Variants in PIP5K1B observed in about 807,000 individuals in gnomAD.
PIP5K1B encodes the protein phosphatidylinositol-4-phosphate 5-kinase type 1 beta.
PIP5K1B carries 42 observed loss-of-function variants against 67.0 expected under a neutral mutation model. The ratio of observed to expected loss-of-function variants is 0.63; its 90% CI spans 0.49 to 0.81. The LOEUF is 0.81. Ranked by LOEUF, PIP5K1B falls within the 30% of genes least tolerant of loss-of-function variation. The probability of loss-of-function intolerance (pLI) is 0.00; values close to 1 mark genes in which losing one functional copy is unlikely to be tolerated. For synonymous variants in PIP5K1B, 214 were observed against 231.4 expected, an observed-to-expected ratio of 0.92 and a Z score of 0.68; for missense variants, 459 against 646.3, an observed-to-expected ratio of 0.71 and a Z score of 3.14.
chr9:68,809,186 A>G (rs1490483884), intron 2 of PIP5K1B, among the ~76,000 whole-genome samples: 1 of 152,202 alleles, frequency 6.6e-6, no homozygotes, highest in Non-Finnish European at 1.5e-5. Context: ...TTTGGAAACT[A>G]TGTTAAGGAT....
At position 68,894,667 on chromosome 9, in the gene PIP5K1B, T is replaced by C. The variant is rs779431147; in HGVS notation, c.771+29T>C. The C allele has an allele frequency of 2.5e-5, 40 of 1,600,626 alleles. No homozygotes were observed. In the Admixed American group the frequency reaches 3.4e-4, roughly 13 times the overall value. On this transcript the variant is annotated intron_variant, in intron 8 of 15. Transcript: ENST00000265382. ...AGGAAGTTTGATTGTTGTGATTTCC[T>C]TTGAACTCTGTGCTCATGTAAACTG...
At chr9:68,892,540 A>AT (rs1564210607) in intron 7 of PIP5K1B, among the ~76,000 whole-genome samples, 1 of 152,244 alleles carries the variant, frequency 6.6e-6, no homozygotes, top group African/African-American at 2.4e-5. Context: ...AGACTGTTCA[A>AT]TAAGTATCCA....
chr9:68,987,760 C>T (rs753393694), intron 14 of PIP5K1B, among the ~76,000 whole-genome samples: 2 of 151,846 alleles, frequency 1.3e-5, no homozygotes, highest in Non-Finnish European at 2.9e-5. Context: ...ATGGCAGTGG[C>T]GAGGGAGAAT....
chr9:68,811,439 C>T (rs575680451), intron 2 of PIP5K1B, among the ~76,000 whole-genome samples: 2 of 152,132 alleles, frequency 1.3e-5, no homozygotes, highest in Admixed American at 6.5e-5. Context: ...CAGGGATTGG[C>T]GGGTAGAAGG....
chr9:68,954,632 A>C (rs1365449722), intron 14 of PIP5K1B, among the ~76,000 whole-genome samples: 2 of 152,216 alleles, frequency 1.3e-5, no homozygotes, highest in East Asian at 3.8e-4. Flanking sequence ...GTATCTCATC[A>C]TGAGACAGTA....
chr9:68,793,008 TAGA>T (rs1333131666), intron 2 of PIP5K1B, among the ~76,000 whole-genome samples: 1 of 123,100 alleles, frequency 8.1e-6, no homozygotes, highest in African/African-American at 2.7e-5. Context: ...TCTAACAGGG[TAGA>T]AGGAGGGGCA....
intron 14 of PIP5K1B, among the ~76,000 whole-genome samples, chr9:68,972,289 A>C (rs1829409769): frequency 2.0e-5 from 3 of 152,152 alleles, no homozygotes; most frequent in Non-Finnish European, 2.9e-5. Flanking sequence ...CAAAGATCAG[A>C]TGGTTGTAGA....
chr9:68,842,442 A>C (rs1253700823), intron 4 of PIP5K1B, among the ~76,000 whole-genome samples: 2 of 152,236 alleles, frequency 1.3e-5, no homozygotes, highest in Non-Finnish European at 2.9e-5. Context: ...ATGTGAGTTA[A>C]AACTGTGGAG....
Position 69,008,503 on chromosome 9 carries a change from A to G in PIP5K1B, c.*54A>G. The G allele has an allele frequency of 1.3e-6, 2 of 1,584,102 alleles. No individual in the cohort carries two copies. Among genetic ancestry groups the G allele is most frequent in the Non-Finnish European group, 1.7e-6 (2 of 1,152,592 alleles). On this transcript the variant is annotated 3_prime_UTR_variant, in exon 16 of 16. Transcript: ENST00000265382. Reference sequence around the variant, plus strand: ...GATGAGACGTGAGCACAGTTATGGCAGAGAAGTTTCTCCGCACCAGAATTA... The same window carrying G: ...GATGAGACGTGAGCACAGTTATGGCGGAGAAGTTTCTCCGCACCAGAATTA...
chr9:68,850,726 T>C (rs557529721), intron 4 of PIP5K1B, among the ~76,000 whole-genome samples: 18 of 152,354 alleles, frequency 1.2e-4, no homozygotes, highest in African/African-American at 4.1e-4. Context: ...TTTGGTTGAT[T>C]CTAGGATGAA....
chr9:68,822,169 A>G (rs935981888), intron 3 of PIP5K1B, among the ~76,000 whole-genome samples: 7 of 152,292 alleles, frequency 4.6e-5, no homozygotes, highest in African/African-American at 1.4e-4. Flanking sequence ...TTAAAAGGCT[A>G]TGTAGCCTGG....
intron 15 of PIP5K1B, among the ~76,000 whole-genome samples, chr9:68,993,163 A>G (rs938156273): frequency 5.4e-5 from 3 of 55,546 alleles, no homozygotes; most frequent in Non-Finnish European, 1.1e-4. Flanking sequence ...CTCCGTCTCC[A>G]AAAAAAAAAA....
At chr9:68,727,804 C>G (rs1828228308) in intron 1 of PIP5K1B, 1 of 152,190 alleles carries the variant, frequency 6.6e-6, no homozygotes, top group Non-Finnish European at 1.5e-5. Context: ...CAGTGTGTCT[C>G]ATGGAAGGAA....
At chr9:68,721,330 G>A (rs1463311817) in intron 1 of PIP5K1B, among the ~76,000 whole-genome samples, 2 of 152,178 alleles carry the variant, frequency 1.3e-5, no homozygotes, top group East Asian at 3.8e-4. Flanking sequence ...AAGTAATGTA[G>A]TGTGGATAGG....
chr9:68,862,574 A>G (rs1473164801), intron 4 of PIP5K1B, among the ~76,000 whole-genome samples: 1 of 152,074 alleles, frequency 6.6e-6, no homozygotes, highest in East Asian at 1.9e-4. Context: ...GGCAGATCAC[A>G]TGAGGCCAAG....
intron 4 of PIP5K1B, among the ~76,000 whole-genome samples, chr9:68,825,210 A>G (rs929393299): frequency 1.3e-5 from 2 of 152,216 alleles, no homozygotes; most frequent in African/African-American, 2.4e-5. Flanking sequence ...AGTATGTTCA[A>G]ATTTAATGAG....
At chr9:68,964,327 G>C (rs959940518) in intron 14 of PIP5K1B, among the ~76,000 whole-genome samples, 3 of 152,210 alleles carry the variant, frequency 2.0e-5, no homozygotes, top group Non-Finnish European at 2.9e-5. Context: ...GCCATTAAGA[G>C]AAGTAAAGGC....
intron 11 of PIP5K1B, among the ~76,000 whole-genome samples, chr9:68,920,359 CTTTTTTTTTTTTT>C (rs5898051): frequency 1.0e-4 from 10 of 98,370 alleles, no homozygotes; most frequent in Admixed American, 1.2e-4. Flanking sequence ...CTGAGGTTGT[CTTTTTTTTTTTTT>C]TTTTTTTTTT....
chr9:68,968,193 T>A (rs1425887523), intron 14 of PIP5K1B, among the ~76,000 whole-genome samples: 1 of 152,210 alleles, frequency 6.6e-6, no homozygotes, highest in African/African-American at 2.4e-5. Flanking sequence ...ATCGTTTTGA[T>A]GTTTAAATCA....
Sources: gnomAD v4.1 joint callset for allele counts (sites outside exome capture counted in the v4.1 genomes callset) on GRCh38, gnomAD v4.1.1 for gene constraint, MANE v1.5 for transcripts, NCBI Gene and HGNC (gene_info 2026-07-23, HGNC 2026-07-21) for gene names.